EFCAB7: variants seen among roughly 807,000 people sequenced by gnomAD.
EFCAB7 encodes the protein EF-hand calcium-binding domain-containing protein 7.
Under a neutral mutation model 77.1 loss-of-function variants are expected in EFCAB7, and 66 were observed. The ratio of observed to expected loss-of-function variants is 0.86; its 90% CI spans 0.70 to 1.05. EFCAB7 has a LOEUF of 1.05. EFCAB7 is among the 50% of genes least tolerant of loss of function. The probability of loss-of-function intolerance (pLI) is 0.00; values close to 1 mark genes in which losing one functional copy is unlikely to be tolerated. For synonymous variants in EFCAB7, 225 were observed against 243.3 expected (o/e 0.92, Z 0.70); for missense variants, 638 against 730.5 (o/e 0.87, Z 1.46).
rs1268583145 is a variant in EFCAB7 at position 63,572,467 on chromosome 1, A to G, written c.1841A>G (p.Asn614Ser). ...TMVCQHVMPL[N>S]ERQEWIYYCI... ...GTTTGTCAACATGTAATGCCTTTGA[A>G]TGAACGACAAGAATGGATATATTAT... is the stretch of plus-strand genomic sequence containing the variant. Residue 614 changes from asparagine to serine, a missense_variant, in exon 14 of 14, where the codon AAT becomes AGT. Asn to Ser is a conservative substitution (Grantham distance 46, BLOSUM62 1). Coordinates refer to ENST00000371088, the MANE Select transcript of EFCAB7 (RefSeq NM_032437.4). The G allele has an allele frequency of 6.3e-7, 1 of 1,581,972 alleles. No individual in the cohort carries two copies. Among genetic ancestry groups the G allele is most frequent in the Non-Finnish European group, 8.6e-7 (1 of 1,165,732 alleles).
intron 7 of EFCAB7, among the ~76,000 whole-genome samples, chr1:63,546,885 A>G (rs1423187635): frequency 6.6e-6 from 1 of 152,218 alleles, no homozygotes; most frequent in East Asian, 1.9e-4. Flanking sequence ...ATACTTTTCT[A>G]GTGTCTAAAA....
At chr1:63,575,008 T>C (rs1053578222), downstream of EFCAB7, among the ~76,000 whole-genome samples, 7 of 152,180 alleles carry the variant, frequency 4.6e-5, no homozygotes, top group East Asian at 3.8e-4. Context: ...AGCATATTTA[T>C]AAATTAAAAC....
intron 11 of EFCAB7, among the ~76,000 whole-genome samples, chr1:63,563,308 A>T (rs79944937): frequency 6.6e-6 from 1 of 152,234 alleles, no homozygotes; most frequent in Non-Finnish European, 1.5e-5. Flanking sequence ...GGTAAAAAAA[A>T]TACAGTATAC....
chr1:63,584,196 G>C, the EFCAB7 span, among the ~76,000 whole-genome samples: 4 of 152,200 alleles, frequency 2.6e-5, no homozygotes, highest in African/African-American at 9.6e-5. Flanking sequence ...AAAGCAAACA[G>C]TGGAAGATGG....
intron 6 of EFCAB7, among the ~76,000 whole-genome samples, chr1:63,539,138 A>G (rs1478540740): frequency 1.3e-5 from 2 of 152,192 alleles, no homozygotes; most frequent in Non-Finnish European, 2.9e-5. Context: ...TGTCCTGTTA[A>G]TCTGTGGCAC....
At position 63,555,435 on chromosome 1, in the gene EFCAB7, A is replaced by G; in HGVS notation, c.1134A>G (p.Lys378=). The change falls in exon 9 of 14, where the codon AAA becomes AAG. Residue 378 remains lysine, a synonymous_variant. Coordinates refer to ENST00000371088, the MANE Select transcript of EFCAB7 (RefSeq NM_032437.4). ...CCACAACTGGCTGTAGGCTGAGGAA[A>G]AAAATAAAACCAGTAACAGATGAAG... ...IPSTTGCRLR[K]KIKPVTDEAQ... 6.2e-7 allele frequency: 1 copy of G among 1,614,066 alleles called. No individual in the cohort carries two copies. The highest frequency in any genetic ancestry group is 8.5e-7 in the Non-Finnish European group (1 of 1,179,976).
chr1:63,580,472 C>T, the EFCAB7 span, among the ~76,000 whole-genome samples: 4 of 152,280 alleles, frequency 2.6e-5, no homozygotes, highest in East Asian at 7.7e-4. Flanking sequence ...GTCCTGATTA[C>T]AGTAGCTTCA....
chr1:63,574,620 C>T (rs540231853), downstream of EFCAB7, among the ~76,000 whole-genome samples: 6 of 152,268 alleles, frequency 3.9e-5, no homozygotes, highest in South Asian at 2.1e-4. Flanking sequence ...TTGTCTTGAG[C>T]GATGGGATCT....
At position 63,561,790 on chromosome 1, in the gene EFCAB7, G is replaced by T. The variant is rs1464371741; in HGVS notation, c.1430G>T (p.Gly477Val). ...LNLMEANDRE[G>V]DPCDLWVTLH... is the part of the protein sequence containing the mutation. Reference sequence around the variant, plus strand: ...CTAATGGAAGCTAATGATCGAGAAGGAGATCCTTGTGACCTTTGGGTAACT... The same window carrying T: ...CTAATGGAAGCTAATGATCGAGAAGTAGATCCTTGTGACCTTTGGGTAACT... The change falls in exon 11 of 14, where the codon GGA becomes GTA. Residue 477 changes from glycine to valine, a missense_variant. By Grantham distance (109) the Gly-to-Val change is moderately radical (BLOSUM62 -3). Transcript: ENST00000371088. The T allele has an allele frequency of 2.5e-6, 4 of 1,609,240 alleles. No homozygotes were observed. The highest frequency in any genetic ancestry group is 3.4e-6 in the Non-Finnish European group (4 of 1,176,866).
At chr1:63,532,898 T>G in intron 4 of EFCAB7, 142 bp downstream of exon 4, 1 of 613,874 alleles carries the variant, frequency 1.6e-6, no homozygotes, top group Admixed American at 3.9e-5. Context: ...AACAATTAAA[T>G]CAGTTAACAT....
At chr1:63,561,082 A>T (rs1386663709) in intron 10 of EFCAB7, among the ~76,000 whole-genome samples, 2 of 152,224 alleles carry the variant, frequency 1.3e-5, no homozygotes, top group Non-Finnish European at 2.9e-5. Context: ...CTTCTAGGTA[A>T]ATTTAGTTTT....
chr1:63,543,971 CTTTTT>C (rs35018430), intron 6 of EFCAB7, among the ~76,000 whole-genome samples: 1 of 131,134 alleles, frequency 7.6e-6, no homozygotes, highest in Non-Finnish European at 1.6e-5. Flanking sequence ...TTTCTTTTTT[CTTTTT>C]TTTTTTTTTT....
intron 10 of EFCAB7, among the ~76,000 whole-genome samples, chr1:63,561,021 G>A (rs752584523): frequency 1.2e-4 from 19 of 152,046 alleles, no homozygotes; most frequent in Non-Finnish European, 2.5e-4. Flanking sequence ...AATAAATAAC[G>A]ACTTATTATC....
chr1:63,541,769 G>A (rs1646831628), intron 6 of EFCAB7, among the ~76,000 whole-genome samples: 1 of 151,968 alleles, frequency 6.6e-6, no homozygotes, highest in Non-Finnish European at 1.5e-5. Flanking sequence ...CACCATGTTG[G>A]CCAGGCTGGT....
intron 13 of EFCAB7, 132 bp downstream of exon 13, chr1:63,571,260 T>C: frequency 3.2e-6 from 2 of 631,352 alleles, no homozygotes; most frequent in Non-Finnish European, 5.5e-6. Flanking sequence ...TGTATCAGTA[T>C]CATTCTATAC....
the EFCAB7 span, among the ~76,000 whole-genome samples, chr1:63,582,453 A>C: frequency 5.9e-5 from 9 of 152,382 alleles, no homozygotes; most frequent in African/African-American, 2.2e-4. Flanking sequence ...CTATGCCAGC[A>C]GGCATGAGAA....
chr1:63,539,152 C>T (rs1264001737), intron 6 of EFCAB7, among the ~76,000 whole-genome samples: 3 of 152,078 alleles, frequency 2.0e-5, no homozygotes, highest in African/African-American at 7.2e-5. Context: ...GTGGCACTGC[C>T]CCAGAGGTAG....
the EFCAB7 span, among the ~76,000 whole-genome samples, chr1:63,579,204 T>C: frequency 2.0e-5 from 3 of 152,204 alleles, no homozygotes; most frequent in South Asian, 2.1e-4. Flanking sequence ...TTATTTCTTA[T>C]AGTCACATCC....
chr1:63,564,708 A>T (rs77903574), intron 11 of EFCAB7, among the ~76,000 whole-genome samples: 2,679 of 128,446 alleles, frequency 0.021, 95 homozygotes, highest in African/African-American at 0.078. Context: ...TAGAAAAAAA[A>T]TTTTAAAATT....
Sources: allele counts gnomAD v4.1 joint callset (sites outside exome capture counted in the v4.1 genomes callset), GRCh38; gene constraint gnomAD v4.1.1; transcripts MANE v1.5; gene names NCBI Gene and HGNC (gene_info 2026-07-23, HGNC 2026-07-21).